Variants in PIK3C2A observed in about 807,000 individuals in gnomAD.
PIK3C2A encodes the protein phosphatidylinositol 4-phosphate 3-kinase C2 domain-containing subunit alpha.
PIK3C2A carries 97 observed loss-of-function variants against 204.5 expected under a neutral mutation model. The observed-to-expected ratio is 0.47, with a 90% CI of 0.40 to 0.56. The LOEUF (loss-of-function observed/expected upper bound fraction) is 0.56, where lower values mean the gene tolerates loss of function less well. Among genes scored for constraint, PIK3C2A ranks in the 20% least tolerant of loss-of-function variants. PIK3C2A has a pLI of 0.00. For synonymous variants in PIK3C2A, 653 were observed against 664.4 expected, an observed-to-expected ratio of 0.98 and a Z score of 0.26; for missense variants, 1,735 against 1,969.2, an observed-to-expected ratio of 0.88 and a Z score of 2.25.
intron 2 of PIK3C2A, among the ~76,000 whole-genome samples, chr11:17,163,699 C>A (rs544638052): frequency 1.2e-4 from 18 of 152,174 alleles, no homozygotes; most frequent in African/African-American, 4.1e-4. Context: ...CAGGCATGAG[C>A]CACCAAACCC....
chr11:17,180,255 T>G (rs1291580851), intron 1 of PIK3C2A, among the ~76,000 whole-genome samples: 1 of 152,020 alleles, frequency 6.6e-6, no homozygotes, highest in Non-Finnish European at 1.5e-5. Flanking sequence ...GTGGCACATG[T>G]TACTCGGGAG....
At chr11:17,156,061 T>A (rs2137450053) in intron 2 of PIK3C2A, among the ~76,000 whole-genome samples, 1 of 152,318 alleles carries the variant, frequency 6.6e-6, no homozygotes, top group South Asian at 2.1e-4. Context: ...AAAGATGGTT[T>A]TTTATGTAAG....
intron 1 of PIK3C2A, among the ~76,000 whole-genome samples, chr11:17,171,059 C>T (rs1357571232): frequency 1.3e-5 from 2 of 152,064 alleles, no homozygotes; most frequent in South Asian, 2.1e-4. Context: ...GCCGAGATCA[C>T]GTCACTGCAT....
intron 2 of PIK3C2A, among the ~76,000 whole-genome samples, chr11:17,158,471 T>C (rs1850675039): frequency 6.6e-6 from 1 of 151,786 alleles, no homozygotes; most frequent in Non-Finnish European, 1.5e-5. Flanking sequence ...TCCCATTTTA[T>C]GGAAAAAATG....
chr11:17,102,211 T>C (rs998911398), intron 24 of PIK3C2A, among the ~76,000 whole-genome samples: 60 of 151,834 alleles, frequency 4.0e-4, no homozygotes, highest in South Asian at 2.3e-3. Flanking sequence ...CCGAGGCGGG[T>C]AGATCACTTG....
Position 17,205,703 on chromosome 11 carries a change from A to G in PIK3C2A, c.-66+2145T>C, listed in dbSNP as rs570585570. Among the ~76,000 whole-genome samples the G allele has an allele frequency of 2.6e-5, 4 of 152,300 alleles. No homozygotes were observed. The East Asian group carries it at 7.7e-4, about 29-fold the overall frequency. On this transcript the variant is annotated intron_variant, in intron 1 of 32. Coordinates refer to ENST00000691414, the MANE Select transcript of PIK3C2A (RefSeq NM_002645.4). ...ATGGGAATTAATGCAAGCAATCTTCAATTAATTGAAAATTTTAGAACTATT... is the reference window on the plus strand; with the variant it reads ...ATGGGAATTAATGCAAGCAATCTTCGATTAATTGAAAATTTTAGAACTATT...
intron 24 of PIK3C2A, among the ~76,000 whole-genome samples, chr11:17,101,958 G>A (rs1336080100): frequency 3.9e-5 from 6 of 152,078 alleles, no homozygotes; most frequent in Middle Eastern, 3.4e-3. Flanking sequence ...TATTTAGAGA[G>A]AACTTATGTA....
At chr11:17,152,694 C>A (rs1452611373) in intron 3 of PIK3C2A, among the ~76,000 whole-genome samples, 3 of 152,026 alleles carry the variant, frequency 2.0e-5, no homozygotes, top group Non-Finnish European at 2.9e-5. Context: ...TTTAGTGTGG[C>A]TCTACAGTTC....
Position 17,169,134 on chromosome 11 carries a change from G to A in PIK3C2A, c.608C>T (p.Ala203Val). The A allele has an allele frequency of 1.2e-6, 2 of 1,614,158 alleles. No homozygotes were observed. Among genetic ancestry groups the A allele is most frequent in the South Asian group, 1.1e-5 (1 of 91,088 alleles). Residue 203 changes from alanine to valine, a missense_variant, in exon 2 of 33, where the codon GCC becomes GTC. By Grantham distance (64) the Ala-to-Val change is moderately conservative. Around this residue, in one of 6 missense-constraint regions of PIK3C2A, gnomAD observed 536 missense variants for 546.7 expected, o/e 0.98. Coordinates refer to ENST00000691414, the MANE Select transcript of PIK3C2A (RefSeq NM_002645.4). The part of the protein sequence containing the change: ...SPYFSYPLTP[A>V]TPFHPQGSLP... ...GCTTCCTTGTGGATGAAAGGGTGTG[G>A]CAGGTGTCAAAGGATATGAGAAATA...
At chr11:17,122,091 TA>T (rs1238488899) in intron 15 of PIK3C2A, 96 bp downstream of exon 15, 14 of 677,658 alleles carry the variant, frequency 2.1e-5, no homozygotes, top group Non-Finnish European at 3.4e-5. Flanking sequence ...AGAAAGCTGA[TA>T]AATCATGAAC....
rs369581304 is a variant in PIK3C2A, at chr11:17,125,911, G to A, written c.2400-3098C>T. 3.9e-5 allele frequency among the ~76,000 whole-genome samples: 6 copies of A among 152,212 alleles called. No homozygotes were observed. In the East Asian group the frequency reaches 5.8e-4, roughly 15 times the overall value. On this transcript the variant is annotated intron_variant, in intron 13 of 32. Transcript: ENST00000691414. ...GGCTAAGGCAGGTGGATCACTCGAG[G>A]CCAGGAGTTCGAGACCAACCTGGCC...
chr11:17,099,806 C>A, intron 26 of PIK3C2A, 54 bp downstream of exon 26: 1 of 810,210 alleles, frequency 1.2e-6, no homozygotes, highest in Non-Finnish European at 2.1e-6. Flanking sequence ...TAAGGTAAAA[C>A]AAATCAAAGC....
At position 17,169,704 on chromosome 11, in the gene PIK3C2A, C is replaced by T. The variant is rs1317995120; in HGVS notation, c.38G>A (p.Cys13Tyr). Reference sequence around the variant, plus strand: ...TGTTGGTTCCGGATGTGAAGATGGACATTCTTTAAATCCGCTGTTGCTAGA... The same window carrying T: ...TGTTGGTTCCGGATGTGAAGATGGATATTCTTTAAATCCGCTGTTGCTAGA... ...QISSNSGFKE[C>Y]PSSHPEPTRA... is the part of the protein sequence containing the mutation. Residue 13 changes from cysteine (C) to tyrosine (Y), a missense_variant, in exon 2 of 33, where the codon TGT becomes TAT. Cys to Tyr is a radical substitution (Grantham distance 194). Coordinates refer to ENST00000691414, the MANE Select transcript of PIK3C2A (RefSeq NM_002645.4). 2 of 1,607,100 alleles carry T rather than the reference C, an allele frequency of 1.2e-6. No individual in the cohort carries two copies. Among genetic ancestry groups the T allele is most frequent in the Non-Finnish European group, 8.5e-7 (1 of 1,179,484 alleles).
At chr11:17,194,184 G>A in intron 1 of PIK3C2A, 1 of 580,222 alleles carries the variant, frequency 1.7e-6, no homozygotes, top group Non-Finnish European at 2.6e-6. Flanking sequence ...ATTGCCAAGG[G>A]GCTTGGGTTG....
chr11:17,154,085 G>A (rs894833430), intron 3 of PIK3C2A, among the ~76,000 whole-genome samples: 3 of 149,838 alleles, frequency 2.0e-5, no homozygotes, highest in African/African-American at 7.3e-5. Context: ...AAGTGTGTGC[G>A]TGTGTGTGTG....
At chr11:17,131,040 T>TA (rs1299901882) in intron 12 of PIK3C2A, among the ~76,000 whole-genome samples, 1 of 151,814 alleles carries the variant, frequency 6.6e-6, no homozygotes, top group Non-Finnish European at 1.5e-5. Context: ...TACAAAAAAT[T>TA]AGCCAGGCGT....
Position 17,114,491 on chromosome 11 carries a change from A to G in PIK3C2A, c.3217-26T>C. 3.1e-6 allele frequency: 3 copies of G among 983,244 alleles called. No individual in the cohort carries two copies. In the East Asian group the frequency reaches 7.2e-5, roughly 23 times the overall value. 60.9% of individuals were successfully genotyped at this position (983,244 alleles called of 1,614,324 possible). On this transcript the variant is annotated intron_variant, in intron 19 of 32. Coordinates refer to ENST00000691414, the MANE Select transcript of PIK3C2A (RefSeq NM_002645.4). ...CTATAGAAAGAGATGTGATACTGTA[A>G]GTACATAATGAAAATGAAGATCTAT...
At chr11:17,154,968 A>G (rs566187867) in intron 3 of PIK3C2A, among the ~76,000 whole-genome samples, 1 of 152,292 alleles carries the variant, frequency 6.6e-6, no homozygotes, top group South Asian at 2.1e-4. Flanking sequence ...GAAGCAAAAG[A>G]GAGTTGGTTC....
Position 17,094,336 on chromosome 11 carries a change from A to G in PIK3C2A, c.4376T>C (p.Val1459Ala), listed in dbSNP as rs372262348. The change falls in exon 28 of 33, where the codon GTC (valine) becomes GCC (alanine). Residue 1459 changes from valine to alanine, a missense_variant. This residue lies in a region of PIK3C2A where 503 missense variants were observed against 669.0 expected (regional missense o/e 0.75). Coordinates refer to ENST00000691414, the MANE Select transcript of PIK3C2A (RefSeq NM_002645.4). ...LREGQIEPSF[V>A]FRTFDEFQEL... ...CTGAAATTCGTCAAATGTTCGGAAG[A>G]CAAATGATGGTTCAATCTGTCCTTC... The G allele has an allele frequency of 6.2e-6, 10 of 1,610,502 alleles. No homozygotes were observed. The highest frequency in any genetic ancestry group is 8.5e-6 in the Non-Finnish European group (10 of 1,176,810).
Sources: gnomAD v4.1 joint callset for allele counts (sites outside exome capture counted in the v4.1 genomes callset) on GRCh38, gnomAD v4.1.1 for gene constraint, gnomAD v4.1.1 regional missense constraint, MANE v1.5 for transcripts, NCBI Gene and HGNC (gene_info 2026-07-23, HGNC 2026-07-21) for gene names.